PRKDC: variants seen among roughly 807,000 people sequenced by gnomAD.
The protein encoded by PRKDC is DNA-dependent protein kinase catalytic subunit.
Under a neutral mutation model 486.9 loss-of-function variants are expected in PRKDC, and 82 were observed. The ratio of observed to expected loss-of-function variants is 0.17; its 90% CI spans 0.14 to 0.20. PRKDC has a LOEUF of 0.20. PRKDC is among the 10% of genes least tolerant of loss of function. The probability of loss-of-function intolerance (pLI) is 1.00; values close to 1 mark genes in which losing one functional copy is unlikely to be tolerated. For synonymous variants in PRKDC, 1,895 were observed against 1,837.0 expected (o/e 1.03, Z -0.81); for missense variants, 4,504 against 5,038.2 (o/e 0.89, Z 3.21).
chr8:47,799,145 T>C (rs569044256), intron 72 of PRKDC, 65 bp downstream of exon 72: 2 of 1,563,488 alleles, frequency 1.3e-6, no homozygotes, highest in Admixed American at 1.7e-5. Flanking sequence ...ACCAAAGGTA[T>C]GTACAAAATT....
intron 85 of PRKDC, 47 bp downstream of exon 85, chr8:47,776,797 T>C (rs2086615943): frequency 6.2e-7 from 1 of 1,606,090 alleles, no homozygotes; most frequent in Non-Finnish European, 8.5e-7. Context: ...CGAGAAACAG[T>C]AGCATGTCGG....
rs8178172 is a variant in PRKDC, at chr8:47,849,044, A to C, written c.7280+110T>G. On this transcript the variant is annotated intron_variant, in intron 54 of 85. Transcript: ENST00000314191. Reference sequence around the variant, plus strand: ...TTTTCTTCAGAGATTCCAACTTCACAAATGTGTATATCATGGAAACCCACA... The same window carrying C: ...TTTTCTTCAGAGATTCCAACTTCACCAATGTGTATATCATGGAAACCCACA... 5.0e-4 allele frequency: 680 copies of C among 1,364,224 alleles called. 5 individuals carry two copies. The African/African-American group carries it at 9.3e-3, about 19-fold the overall frequency. The allele number at this position is 1,364,224 out of a possible 1,614,324, so 84.5% of individuals were successfully genotyped here. A position where few individuals can be genotyped will look rare whatever the true frequency, so the allele number is the denominator to read the frequency against.
At position 47,898,505 on chromosome 8, in the gene PRKDC, A is replaced by C; in HGVS notation, c.3429T>G (p.Val1143=). 1 of 1,563,416 alleles carries C rather than the reference A, an allele frequency of 6.4e-7. No individual in the cohort carries two copies. The highest frequency in any genetic ancestry group is 1.2e-5 in the South Asian group (1 of 85,048). Residue 1143 remains valine (V), a synonymous_variant, in exon 29 of 86, where the codon GTT becomes GTG. Coordinates refer to ENST00000314191, the MANE Select transcript of PRKDC (RefSeq NM_006904.7). Reference sequence around the variant, plus strand: ...GTCGTTTCTTTGCTTTATTTAAAGAAACATGCTTCTTTTCAATGATGCGGC... The same window carrying C: ...GTCGTTTCTTTGCTTTATTTAAAGACACATGCTTCTTTTCAATGATGCGGC... ...HLCRIIEKKH[V]SLNKAKKRRL...
chr8:47,935,016 A>C lies in PRKDC; in HGVS notation c.1490T>G (p.Leu497Arg). 1 of 1,522,622 alleles carries C rather than the reference A, an allele frequency of 6.6e-7. No homozygotes were observed. The highest frequency in any genetic ancestry group is 2.4e-5 in the East Asian group (1 of 40,884). The allele number at this position is 1,522,622 out of a possible 1,614,324, so 94.3% of individuals were successfully genotyped here. A position where few individuals can be genotyped will look rare whatever the true frequency, so the allele number is the denominator to read the frequency against. ...LIRICSKPVV[L>R]PKGPESESED... ...ATTAAATTCAGAATTTACCTTTGGA[A>C]GGACCACTGGTTTAGAACATATTCT... is the stretch of plus-strand genomic sequence containing the variant. Residue 497 changes from leucine (L) to arginine (R), a missense_variant, in exon 14 of 86, where the codon CTT becomes CGT. Transcript: ENST00000314191.
At chr8:47,907,898 C>T (rs369624415) in intron 25 of PRKDC, among the ~76,000 whole-genome samples, 15 of 152,320 alleles carry the variant, frequency 9.8e-5, no homozygotes, top group African/African-American at 3.6e-4. Flanking sequence ...GTACTTTCCA[C>T]GTAAACATAT....
rs2087575488 is a variant in PRKDC at position 47,820,820 on chromosome 8, C to T, written c.9235G>A (p.Glu3079Lys). The T allele has an allele frequency of 6.2e-7, 1 of 1,613,332 alleles. No individual in the cohort carries two copies. Among genetic ancestry groups the T allele is most frequent in the Non-Finnish European group, 8.5e-7 (1 of 1,179,606 alleles). ...MHGELQKAIL[E>K]LHYSQELSLL... is the part of the protein sequence containing the mutation. ...CTCAGCTCTTGACTGTAATGAAGCTCTAGAATCGCCTTCTGGAGCTCCCCG... is the reference window on the plus strand; with the variant it reads ...CTCAGCTCTTGACTGTAATGAAGCTTTAGAATCGCCTTCTGGAGCTCCCCG... Residue 3079 changes from glutamate to lysine, a missense_variant, in exon 66 of 86, where the codon GAG (glutamate) becomes AAG (lysine). Physicochemically the swap from Glu to Lys is moderately conservative, Grantham distance 56. Coordinates refer to ENST00000314191, the MANE Select transcript of PRKDC (RefSeq NM_006904.7).
intron 3 of PRKDC, 38 bp downstream of exon 3, chr8:47,957,133 G>C (rs372720270): frequency 7.6e-7 from 1 of 1,315,492 alleles, no homozygotes; most frequent in Non-Finnish European, 1.1e-6. Flanking sequence ...AACAGATGTT[G>C]ATATATAATG....
chr8:47,821,582 C>A, intron 65 of PRKDC, 22 bp downstream of exon 65: 1 of 1,559,066 alleles, frequency 6.4e-7, no homozygotes, highest in Non-Finnish European at 8.7e-7. Context: ...TTATTTCAAT[C>A]ACTTAAAATA....
chr8:47,926,902 T>C (rs2090166029), intron 21 of PRKDC: 1 of 274,756 alleles, frequency 3.6e-6, no homozygotes, highest in Admixed American at 5.2e-5. Flanking sequence ...CAAAGCAGTG[T>C]ATTAGGAGTC....
chr8:47,912,348 A>G (rs747660627), intron 25 of PRKDC, 62 bp downstream of exon 25: 17 of 1,439,266 alleles, frequency 1.2e-5, no homozygotes, highest in Non-Finnish European at 1.6e-5. Flanking sequence ...TCTGCTGACC[A>G]CTGAATTAGA....
intron 59 of PRKDC, among the ~76,000 whole-genome samples, chr8:47,833,244 G>GC (rs1352961934): frequency 1.3e-5 from 2 of 152,226 alleles, no homozygotes; most frequent in Non-Finnish European, 1.5e-5. Context: ...GTGGAGTAAA[G>GC]CAAGTTTTGT....
chr8:47,837,258 T>A lies in PRKDC; in HGVS notation c.7715A>T (p.Tyr2572Phe). The A allele has an allele frequency of 6.2e-7, 1 of 1,613,958 alleles. No individual in the cohort carries two copies. Among genetic ancestry groups the A allele is most frequent in the Non-Finnish European group, 8.5e-7 (1 of 1,179,884 alleles). Residue 2572 changes from tyrosine to phenylalanine, a missense_variant, in exon 57 of 86, where the codon TAT becomes TTT. By Grantham distance (22) the Tyr-to-Phe change is conservative. This residue lies in a region of PRKDC where 1,592 missense variants were observed against 1,724.6 expected (regional missense o/e 0.92). Coordinates refer to ENST00000314191, the MANE Select transcript of PRKDC (RefSeq NM_006904.7). ...AGGATGCTCGAACATGGGGTTTGGA[T>A]AATCTGGGCTCATGCTGGTCATTTC... ...LLEMTSMSPDYPNPMFEHPLS... is the reference protein window; with the variant it reads ...LLEMTSMSPDFPNPMFEHPLS...
At chr8:47,809,129 G>C (rs1251864138) in intron 68 of PRKDC, among the ~76,000 whole-genome samples, 1 of 122,334 alleles carries the variant, frequency 8.2e-6, no homozygotes, top group Non-Finnish European at 1.7e-5. Flanking sequence ...GGAAGGGAGG[G>C]TATGGGAGGG....
At position 47,862,534 on chromosome 8, in the gene PRKDC, A is replaced by G; in HGVS notation, c.5758T>C (p.Tyr1920His). 1 of 1,606,634 alleles carries G rather than the reference A, an allele frequency of 6.2e-7. No individual in the cohort carries two copies. Residue 1920 changes from tyrosine to histidine, a missense_variant, in exon 43 of 86, where the codon TAC (tyrosine) becomes CAC (histidine). Coordinates refer to ENST00000314191, the MANE Select transcript of PRKDC (RefSeq NM_006904.7). The part of the protein sequence containing the change: ...ELTKTLIKLC[Y>H]DAFTENMAGE... ...GCCATGTTCTCTGTAAATGCATCGT[A>G]GCACAATCTGCAGAGAGATCCATGT...
intron 21 of PRKDC, among the ~76,000 whole-genome samples, chr8:47,919,435 C>T (rs1392978356): frequency 6.6e-6 from 1 of 152,216 alleles, no homozygotes; most frequent in Non-Finnish European, 1.5e-5. Flanking sequence ...TAAACTTTGA[C>T]ACATGTTCAT....
intron 56 of PRKDC, among the ~76,000 whole-genome samples, chr8:47,838,226 T>C (rs2088069448): frequency 6.6e-6 from 1 of 152,202 alleles, no homozygotes; most frequent in Admixed American, 6.5e-5. Context: ...TGAATGCATA[T>C]GAAATCCAAA....
intron 40 of PRKDC, among the ~76,000 whole-genome samples, chr8:47,875,907 G>A (rs2089082430): frequency 6.6e-6 from 1 of 152,118 alleles, no homozygotes; most frequent in Non-Finnish European, 1.5e-5. Context: ...TTTATAGTTG[G>A]TTAATTATGA....
chr8:47,940,946 A>G (rs1033487314), intron 10 of PRKDC, among the ~76,000 whole-genome samples: 13 of 152,306 alleles, frequency 8.5e-5, no homozygotes, highest in African/African-American at 3.1e-4. Flanking sequence ...CCTGGCCAAC[A>G]TGGTGAAACC....
chr8:47,786,715 TATTTA>T (rs1160514696), intron 76 of PRKDC, among the ~76,000 whole-genome samples: 1 of 145,524 alleles, frequency 6.9e-6, no homozygotes, highest in South Asian at 2.1e-4. Flanking sequence ...GAAAAAATAT[TATTTA>T]ATCTTTTTTT....
Sources: allele counts gnomAD v4.1 joint callset (sites outside exome capture counted in the v4.1 genomes callset), GRCh38; gene constraint gnomAD v4.1.1; regional missense constraint gnomAD v4.1.1; transcripts MANE v1.5; gene names NCBI Gene and HGNC (gene_info 2026-07-23, HGNC 2026-07-21).